The following FGF14 variants were observed in gnomAD, a reference collection of about 807,000 sequenced individuals.
The protein encoded by FGF14 is fibroblast growth factor homologous factor 4.
In FGF14, 5 loss-of-function variants were observed where a neutral mutation model predicts 25.5. The ratio of observed to expected loss-of-function variants is 0.20; its 90% confidence interval spans 0.10 to 0.41. The LOEUF (loss-of-function observed/expected upper bound fraction) is 0.41. FGF14 is among the 10% of genes least tolerant of loss of function. The pLI is 1.00. For synonymous variants in FGF14, 138 were observed against 118.3 expected (o/e 1.17, Z -1.08); for missense variants, 222 against 320.1 (o/e 0.69, Z 2.34).
At chr13:102,058,256 CTCTT>C (rs2140090662) in intron 1 of FGF14, among the ~76,000 whole-genome samples, 2 of 152,274 alleles carry the variant, frequency 1.3e-5, no homozygotes, top group Non-Finnish European at 2.9e-5. Flanking sequence ...TATTAACAAT[CTCTT>C]TGTTTTCTAA....
At chr13:102,274,818 T>C (rs1438527922) in intron 1 of FGF14, among the ~76,000 whole-genome samples, 1 of 151,934 alleles carries the variant, frequency 6.6e-6, no homozygotes, top group Non-Finnish European at 1.5e-5. Context: ...TCCTCAGATA[T>C]GGAATGTAGA....
At chr13:101,783,042 A>AT (rs2039603478) in intron 3 of FGF14, among the ~76,000 whole-genome samples, 1 of 151,992 alleles carries the variant, frequency 6.6e-6, no homozygotes, top group Admixed American at 6.6e-5. Context: ...AGCATCTGTT[A>AT]TTTTTTACTT....
intron 1 of FGF14, among the ~76,000 whole-genome samples, chr13:102,387,745 T>A (rs892403436): frequency 6.6e-6 from 1 of 152,018 alleles, no homozygotes; most frequent in African/African-American, 2.4e-5. Context: ...GTTTTTGGGT[T>A]TTTTTGAGAT....
At chr13:102,040,178 GTC>G (rs947047620) in intron 1 of FGF14, among the ~76,000 whole-genome samples, 2 of 152,168 alleles carry the variant, frequency 1.3e-5, no homozygotes, top group African/African-American at 4.8e-5. Context: ...CTCTAAAAAT[GTC>G]TCTCTTGCTC....
intron 1 of FGF14, among the ~76,000 whole-genome samples, chr13:102,023,824 T>C (rs768641129): frequency 2.0e-5 from 3 of 151,964 alleles, no homozygotes; most frequent in Non-Finnish European, 2.9e-5. Context: ...ATAAGGATCA[T>C]TGAAATAATG....
At chr13:102,308,713 A>G (rs2055540500) in intron 1 of FGF14, among the ~76,000 whole-genome samples, 1 of 152,080 alleles carries the variant, frequency 6.6e-6, no homozygotes, top group African/African-American at 2.4e-5. Flanking sequence ...TATATCAAAT[A>G]TCTTCTGAGT....
intron 3 of FGF14, among the ~76,000 whole-genome samples, chr13:101,794,969 T>C (rs2040436698): frequency 6.6e-6 from 1 of 152,186 alleles, no homozygotes; most frequent in Non-Finnish European, 1.5e-5. Context: ...TTATTTTTAA[T>C]TTCAAAAATG....
chr13:101,913,559 G>A (rs1451876363), intron 1 of FGF14, among the ~76,000 whole-genome samples: 2 of 152,016 alleles, frequency 1.3e-5, no homozygotes, highest in East Asian at 1.9e-4. Flanking sequence ...ACAAAATGTG[G>A]AGCTATTCTT....
At chr13:102,221,187 T>A (rs1394221648) in intron 1 of FGF14, among the ~76,000 whole-genome samples, 3 of 152,174 alleles carry the variant, frequency 2.0e-5, no homozygotes. Flanking sequence ...AACATATCTA[T>A]GTGATTTTAG....
At chr13:102,100,358 C>A (rs1566684520) in intron 1 of FGF14, among the ~76,000 whole-genome samples, 1 of 151,578 alleles carries the variant, frequency 6.6e-6, no homozygotes, top group Non-Finnish European at 1.5e-5. Flanking sequence ...TCCTTCCCAA[C>A]CTTCAGCAAA....
chr13:101,907,448 A>C (rs12428174), intron 1 of FGF14, among the ~76,000 whole-genome samples: 7,074 of 152,238 alleles, frequency 0.046, 298 homozygotes, highest in Admixed American at 0.14. Flanking sequence ...GTAGTAAAAA[A>C]TACAAATTTA....
rs1268563052 is a variant in FGF14, at chr13:102,312,251, C to T, written c.208+89220G>A. Among the ~76,000 whole-genome samples the T allele has an allele frequency of 2.0e-5, 3 of 148,820 alleles. No homozygotes were observed. The East Asian group carries it at 5.9e-4, about 29-fold the overall frequency. ...AAAAAAAAAAAAAAGGCAAACTCTG[C>T]TTGCTCATTTAAATGAAAGCAGAAA... On this transcript the variant is annotated intron_variant, in intron 1 of 4. Coordinates refer to the FGF14 transcript ENST00000376131.
At chr13:102,034,257 A>G (rs1160946784) in intron 1 of FGF14, among the ~76,000 whole-genome samples, 1 of 152,154 alleles carries the variant, frequency 6.6e-6, no homozygotes, top group African/African-American at 2.4e-5. Flanking sequence ...ACAAGTCATC[A>G]CATTACAAGT....
At chr13:102,347,175 C>A (rs1340905925) in intron 1 of FGF14, among the ~76,000 whole-genome samples, 1 of 152,044 alleles carries the variant, frequency 6.6e-6, no homozygotes, top group Non-Finnish European at 1.5e-5. Flanking sequence ...CAGAAGTGGA[C>A]AGGAGAAGCA....
chr13:101,910,182 A>T (rs2032761822), intron 1 of FGF14, among the ~76,000 whole-genome samples: 1 of 152,174 alleles, frequency 6.6e-6, no homozygotes, highest in Non-Finnish European at 1.5e-5. Context: ...AACACGGCAC[A>T]TGTATACATA....
At chr13:102,050,413 A>G (rs1415281867) in intron 1 of FGF14, among the ~76,000 whole-genome samples, 1 of 152,196 alleles carries the variant, frequency 6.6e-6, no homozygotes, top group African/African-American at 2.4e-5. Context: ...GAACTTTTAC[A>G]GATCACTGTA....
At chr13:101,964,441 G>GC (rs1430675959) in intron 1 of FGF14, among the ~76,000 whole-genome samples, 1 of 152,198 alleles carries the variant, frequency 6.6e-6, no homozygotes, top group Non-Finnish European at 1.5e-5. Flanking sequence ...GGTCTATCCA[G>GC]CCCATGAAGA....
intron 1 of FGF14, among the ~76,000 whole-genome samples, chr13:102,174,252 A>G (rs1219176966): frequency 6.6e-6 from 1 of 150,972 alleles, no homozygotes; most frequent in East Asian, 1.9e-4. Context: ...CTCCTACCTC[A>G]GTCTCCCGAG....
chr13:101,719,906 A>T lies in FGF14; in HGVS notation c.*2925T>A, dbSNP rs1250058894. Reference sequence around the variant, plus strand: ...CGAAGTCTTATCCCAAACAAATAGCAAGAGAGGTATCATCAAAGAGCTAAA... The same window carrying T: ...CGAAGTCTTATCCCAAACAAATAGCTAGAGAGGTATCATCAAAGAGCTAAA... On this transcript the variant is annotated 3_prime_UTR_variant, in exon 5 of 5. Transcript: ENST00000376143. The T allele has an allele frequency of 6.6e-6, 1 of 152,130 alleles. No homozygotes were observed. Among genetic ancestry groups the T allele is most frequent in the African/African-American group, 2.4e-5 (1 of 41,430 alleles). 9.4% of individuals were successfully genotyped at this position (152,130 alleles called of 1,614,324 possible). A position where few individuals can be genotyped will look rare whatever the true frequency, so the allele number is the denominator to read the frequency against.
Sources: gnomAD v4.1 joint callset for allele counts (sites outside exome capture counted in the v4.1 genomes callset) on GRCh38, gnomAD v4.1.1 for gene constraint, MANE v1.5 for transcripts, NCBI Gene and HGNC (gene_info 2026-07-23, HGNC 2026-07-21) for gene names.